Variants in DMD observed in about 807,000 individuals in gnomAD.
DMD encodes mutant dystrophin.
Under a neutral mutation model 330.1 loss-of-function variants are expected in DMD, and 63 were observed. That is an observed-to-expected ratio of 0.19 (90% confidence interval 0.16 to 0.24). The LOEUF (loss-of-function observed/expected upper bound fraction) is 0.24. Ranked by LOEUF, DMD falls within the 10% of genes least tolerant of loss-of-function variation. The pLI, the probability that DMD is intolerant of heterozygous loss-of-function variation, is 1.00. For synonymous variants in DMD, 1,223 were observed against 959.8 expected (o/e 1.27, Z -5.07); for missense variants, 3,344 against 2,684.1 (o/e 1.25, Z -5.43).
intron 64 of DMD, 102 bp downstream of exon 64, chrX:31,222,945 G>T: frequency 1.5e-6 from 1 of 686,930 alleles, no homozygotes; most frequent in South Asian, 2.2e-5. Context: ...CAGGAATTGT[G>T]ACAGCTGTTT....
chrX:31,455,832 G>C (rs868305983), intron 59 of DMD, among the ~76,000 whole-genome samples: 4 of 111,918 alleles, frequency 3.6e-5, no homozygotes, highest in Non-Finnish European at 5.6e-5. Context: ...GCATCTTTTG[G>C]AGGGCATTTT....
At position 32,448,652 on chromosome X, in the gene DMD, A is replaced by G. The variant is rs370687867; in HGVS notation, c.3604-14T>C. On this transcript the variant is annotated splice_polypyrimidine_tract_variant and intron_variant, in intron 26 of 78. Coordinates refer to ENST00000357033, the MANE Select transcript of DMD (RefSeq NM_004006.3). ...TTCTTTAGCTCTCTGAAAAATAAAG[A>G]ATGCTCTCTTAATAGCATGAAAATA... 8.4e-6 allele frequency: 10 copies of G among 1,190,291 alleles called. No homozygotes were observed. In the African/African-American group the frequency reaches 1.8e-4, roughly 21 times the overall value.
chrX:32,920,020 A>G (rs924020505), intron 2 of DMD, among the ~76,000 whole-genome samples: 2 of 111,379 alleles, frequency 1.8e-5, no homozygotes, highest in African/African-American at 6.5e-5. Flanking sequence ...GAAACTTAAC[A>G]TTTTGTTTAT....
intron 2 of DMD, among the ~76,000 whole-genome samples, chrX:33,000,685 T>C (rs1431862032): frequency 8.9e-6 from 1 of 112,401 alleles, no homozygotes; most frequent in Non-Finnish European, 1.9e-5. Flanking sequence ...AGAGAGGTGG[T>C]ACAATAAATA....
chrX:32,120,882 C>CAAGCA (rs2096631881), intron 44 of DMD, among the ~76,000 whole-genome samples: 1 of 112,254 alleles, frequency 8.9e-6, no homozygotes, highest in Non-Finnish European at 1.9e-5. Context: ...CAACCAAACC[C>CAAGCA]TTGCTTCTCT....
intron 50 of DMD, among the ~76,000 whole-genome samples, chrX:31,811,763 A>C (rs1325016275): frequency 9.0e-6 from 1 of 111,421 alleles, no homozygotes; most frequent in Non-Finnish European, 1.9e-5. Flanking sequence ...GAGGAAGAAA[A>C]AGATTTGGCC....
chrX:32,997,319 C>T (rs984853385), intron 2 of DMD, among the ~76,000 whole-genome samples: 45 of 108,837 alleles, frequency 4.1e-4, no homozygotes, highest in African/African-American at 1.5e-3. Context: ...GATCTCGGCT[C>T]ACTGCAACCT....
chrX:33,192,193 T>C (rs113927559), intron 1 of DMD, among the ~76,000 whole-genome samples: 2,608 of 112,093 alleles, frequency 0.023, 75 homozygotes, highest in African/African-American at 0.08. Flanking sequence ...TGGCCTTTTT[T>C]ACCCTTTTGT....
chrX:32,190,596 G>A (rs1273369369), intron 44 of DMD, among the ~76,000 whole-genome samples: 1 of 66,921 alleles, frequency 1.5e-5, no homozygotes, highest in Non-Finnish European at 2.9e-5. Context: ...TTCACCACAA[G>A]ATTTTTATGG....
At chrX:31,820,570 A>C (rs2092731477) in intron 49 of DMD, among the ~76,000 whole-genome samples, 1 of 112,018 alleles carries the variant, frequency 8.9e-6, no homozygotes, top group African/African-American at 3.2e-5. Context: ...GTTCTAGATG[A>C]TGGAAATGAT....
intron 74 of DMD, among the ~76,000 whole-genome samples, chrX:31,162,852 A>G (rs2039002518): frequency 8.9e-6 from 1 of 111,912 alleles, no homozygotes; most frequent in African/African-American, 3.2e-5. Context: ...AACTTTGGAT[A>G]AACTGAAGGA....
intron 54 of DMD, among the ~76,000 whole-genome samples, chrX:31,632,611 G>A (rs1004830237): frequency 1.8e-4 from 20 of 111,529 alleles, no homozygotes; most frequent in African/African-American, 6.2e-4. Flanking sequence ...TTAGGAGAAA[G>A]ATTAAAGGAT....
chrX:33,336,091 T>C (rs1361519277), intron 1 of DMD, among the ~76,000 whole-genome samples: 2 of 111,225 alleles, frequency 1.8e-5, no homozygotes, highest in African/African-American at 6.5e-5. Flanking sequence ...CATATTTTTC[T>C]GGAAAAATAT....
At chrX:31,327,112 C>T (rs1174121340) in intron 61 of DMD, among the ~76,000 whole-genome samples, 1 of 112,249 alleles carries the variant, frequency 8.9e-6, no homozygotes, top group African/African-American at 3.2e-5. Flanking sequence ...AATTCCAGGG[C>T]AGCTTTGTGA....
chrX:33,131,992 A>G (rs969939187), intron 1 of DMD, among the ~76,000 whole-genome samples: 18 of 112,092 alleles, frequency 1.6e-4, no homozygotes, highest in African/African-American at 5.8e-4. Context: ...AATGATCCCT[A>G]AGCTCAGTAA....
At chrX:32,538,022 A>G (rs1000469919) in intron 17 of DMD, among the ~76,000 whole-genome samples, 2 of 112,442 alleles carry the variant, frequency 1.8e-5, no homozygotes, top group African/African-American at 6.5e-5. Flanking sequence ...CGAACAAGAA[A>G]TGGATCCTGG....
At chrX:32,706,209 C>T (rs1432901059) in intron 7 of DMD, among the ~76,000 whole-genome samples, 6 of 75,776 alleles carry the variant, frequency 7.9e-5, no homozygotes, top group Non-Finnish European at 1.2e-4. Context: ...GGGAACATCA[C>T]ACACCGGGGC....
At chrX:32,288,867 A>G (rs1253427102) in intron 42 of DMD, among the ~76,000 whole-genome samples, 1 of 111,259 alleles carries the variant, frequency 9.0e-6, no homozygotes, top group Non-Finnish European at 1.9e-5. Context: ...TTCCTGCAAT[A>G]TAGACTGATC....
At chrX:32,880,299 C>CAAAAAAAA (rs756974936) in intron 2 of DMD, among the ~76,000 whole-genome samples, 1 of 106,063 alleles carries the variant, frequency 9.4e-6, no homozygotes, top group South Asian at 4.2e-4. Flanking sequence ...AAAAAAAAGC[C>CAAAAAAAA]TTTTTCAGCT....
Sources: allele counts gnomAD v4.1 joint callset (sites outside exome capture counted in the v4.1 genomes callset), GRCh38; gene constraint gnomAD v4.1.1; transcripts MANE v1.5; gene names NCBI Gene and HGNC (gene_info 2026-07-23, HGNC 2026-07-21).